BORCS5: variants seen among roughly 807,000 people sequenced by gnomAD.
BORCS5 encodes BLOC-1-related complex subunit 5.
A neutral mutation model predicts 22.1 loss-of-function variants in BORCS5; 17 were observed. The observed-to-expected ratio is 0.77, with a 90% CI of 0.53 to 1.15. The LOEUF is 1.15. Ranked by LOEUF, BORCS5 falls within the 50% of genes most tolerant of loss-of-function variation. The pLI is 0.00. For synonymous variants in BORCS5, 117 were observed against 99.8 expected (o/e 1.17, Z -1.03); for missense variants, 247 against 253.2 (o/e 0.98, Z 0.17).
chr12:12,391,707 T>G lies in BORCS5; in HGVS notation c.202+30358T>G, dbSNP rs78526035. ...CTGGCACAAAATGATCTTAACAGAC[T>G]GAAAAGATGGTCTGAAACCACAATG... On this transcript the variant is annotated intron_variant, in intron 2 of 3. Transcript: ENST00000314565. Among the ~76,000 whole-genome samples, 251 of 151,082 alleles carry G rather than the reference T, an allele frequency of 1.7e-3. 1 individual carries two copies. Among genetic ancestry groups the G allele is most frequent in the East Asian group, 3.9e-3 (20 of 5,110 alleles).
At position 12,467,470 on chromosome 12, in the gene BORCS5, C is replaced by T. The variant is rs1025416184; in HGVS notation, c.*1694C>T. On this transcript the variant is annotated 3_prime_UTR_variant, in exon 4 of 4. Transcript: ENST00000314565. The stretch of plus-strand genomic sequence containing the variant: ...CCTAGTGCAGCACAAACAAACCACG[C>T]AGTCAGCCAGCTCTCCAGCCAACTG... 1 of 152,260 alleles carries T rather than the reference C, an allele frequency of 6.6e-6. No individual in the cohort carries two copies. Among genetic ancestry groups the T allele is most frequent in the African/African-American group, 2.4e-5 (1 of 41,438 alleles). 9.4% of individuals were successfully genotyped at this position (152,260 alleles called of 1,614,324 possible).
intron 2 of BORCS5, among the ~76,000 whole-genome samples, chr12:12,404,632 A>G (rs964911592): frequency 2.6e-5 from 4 of 152,218 alleles, no homozygotes; most frequent in African/African-American, 9.6e-5. Context: ...TTCAGAACTC[A>G]TCCACATAGG....
At chr12:12,443,288 G>T (rs144043564) in intron 3 of BORCS5, among the ~76,000 whole-genome samples, 1 of 152,126 alleles carries the variant, frequency 6.6e-6, no homozygotes, top group East Asian at 1.9e-4. Context: ...TTGAGATGTC[G>T]GCTTCTTTTT....
chr12:12,443,074 G>A (rs909311552), intron 3 of BORCS5, among the ~76,000 whole-genome samples: 21 of 152,240 alleles, frequency 1.4e-4, no homozygotes, highest in African/African-American at 4.1e-4. Flanking sequence ...TTGGTTAAAA[G>A]CCTGGTTAGC....
intron 3 of BORCS5, among the ~76,000 whole-genome samples, chr12:12,456,353 C>T (rs572254974): frequency 6.6e-6 from 1 of 152,172 alleles, no homozygotes; most frequent in East Asian, 1.9e-4. Context: ...ATTGCTCGGA[C>T]CCAGGAGTTC....
At chr12:12,395,946 T>C (rs1437969328) in intron 2 of BORCS5, among the ~76,000 whole-genome samples, 1 of 151,986 alleles carries the variant, frequency 6.6e-6, no homozygotes, top group Non-Finnish European at 1.5e-5. Flanking sequence ...GTTGCTTGAT[T>C]GAGGGAGCAG....
At chr12:12,387,540 A>G (rs1863908931) in intron 2 of BORCS5, among the ~76,000 whole-genome samples, 1 of 151,452 alleles carries the variant, frequency 6.6e-6, no homozygotes, top group Non-Finnish European at 1.5e-5. Context: ...TCCGAAACCT[A>G]AATATACTCC....
At chr12:12,429,161 A>G (rs976958952) in intron 2 of BORCS5, among the ~76,000 whole-genome samples, 12 of 152,202 alleles carry the variant, frequency 7.9e-5, no homozygotes, top group African/African-American at 2.2e-4. Context: ...AGAATGAAAC[A>G]CTTCAGAGGA....
At chr12:12,395,986 A>C (rs1352778036) in intron 2 of BORCS5, among the ~76,000 whole-genome samples, 1 of 151,698 alleles carries the variant, frequency 6.6e-6, no homozygotes, top group Non-Finnish European at 1.5e-5. Context: ...AGGGAGATTA[A>C]TTTTGTTTGT....
chr12:12,375,117 T>C (rs1474608156), intron 2 of BORCS5, among the ~76,000 whole-genome samples: 1 of 152,138 alleles, frequency 6.6e-6, no homozygotes, highest in Non-Finnish European at 1.5e-5. Flanking sequence ...GTTGAAGCAG[T>C]TCTCCTGACT....
At chr12:12,432,270 A>T (rs528844639) in intron 2 of BORCS5, among the ~76,000 whole-genome samples, 1 of 152,040 alleles carries the variant, frequency 6.6e-6, no homozygotes, top group South Asian at 2.1e-4. Flanking sequence ...TCCTTTTTCC[A>T]TGGTGCCTCC....
At chr12:12,428,616 T>C (rs1263745973) in intron 2 of BORCS5, among the ~76,000 whole-genome samples, 1 of 152,192 alleles carries the variant, frequency 6.6e-6, no homozygotes, top group Non-Finnish European at 1.5e-5. Flanking sequence ...TGCTTAACTG[T>C]AAGGAACATG....
intron 2 of BORCS5, among the ~76,000 whole-genome samples, chr12:12,418,161 C>G (rs1942019090): frequency 1.3e-5 from 2 of 150,590 alleles, no homozygotes; most frequent in Non-Finnish European, 3.0e-5. Flanking sequence ...GTAGCTGGGA[C>G]TATAGGTGCC....
chr12:12,413,672 CT>C, intron 2 of BORCS5, among the ~76,000 whole-genome samples: 1 of 130,184 alleles, frequency 7.7e-6, no homozygotes, highest in African/African-American at 3.1e-5. Context: ...AGAAGCGCCC[CT>C]CACCTCCCGG....
At chr12:12,414,539 G>C (rs1461774503) in intron 2 of BORCS5, among the ~76,000 whole-genome samples, 3 of 81,102 alleles carry the variant, frequency 3.7e-5, no homozygotes, top group Non-Finnish European at 7.6e-5. Context: ...TCCCAGACTG[G>C]GCGGCTGGCC....
intron 3 of BORCS5, among the ~76,000 whole-genome samples, chr12:12,451,717 T>C (rs1254426845): frequency 6.7e-6 from 1 of 148,324 alleles, no homozygotes; most frequent in Non-Finnish European, 1.5e-5. Flanking sequence ...CCCCGTCTAA[T>C]TTTTGTACTA....
In BORCS5 at chr12:12,470,156, C is replaced by T. The variant is rs936700704; in HGVS notation, c.*4380C>T. 3.3e-5 allele frequency among the ~76,000 whole-genome samples: 5 copies of T among 152,130 alleles called. No individual in the cohort carries two copies. Among genetic ancestry groups the T allele is most frequent in the African/African-American group, 7.2e-5 (3 of 41,434 alleles). On this transcript the variant is annotated 3_prime_UTR_variant, in exon 4 of 4. Transcript: ENST00000314565. ...CACGATCTCGGCTCACTGCAACCTC[C>T]GCCTCCCGGGTTCAAGCAGTTATAC... is the stretch of plus-strand genomic sequence containing the variant.
At chr12:12,383,598 T>G (rs895361582) in intron 2 of BORCS5, among the ~76,000 whole-genome samples, 1 of 150,862 alleles carries the variant, frequency 6.6e-6, no homozygotes, top group Non-Finnish European at 1.5e-5. Flanking sequence ...TAGGAATGTC[T>G]TTGTCTTTTT....
Position 12,470,487 on chromosome 12 carries a change from G to A in BORCS5, c.*4711G>A, listed in dbSNP as rs1050112453. ...GAGCGTGAACCCTATTGTGAACTGC[G>A]CACGTGAAGGATCTAGGTTTTGCGC... On this transcript the variant is annotated 3_prime_UTR_variant, in exon 4 of 4. Transcript: ENST00000314565. 8.5e-5 allele frequency among the ~76,000 whole-genome samples: 13 copies of A among 152,098 alleles called. No homozygotes were observed. The highest frequency in any genetic ancestry group is 1.3e-4 in the Non-Finnish European group (9 of 68,024).
Sources: gnomAD v4.1 joint callset for allele counts (sites outside exome capture counted in the v4.1 genomes callset) on GRCh38, gnomAD v4.1.1 for gene constraint, MANE v1.5 for transcripts, NCBI Gene and HGNC (gene_info 2026-07-23, HGNC 2026-07-21) for gene names.